DHRSX: variants seen among roughly 807,000 people sequenced by gnomAD.
DHRSX encodes polyprenol dehydrogenase.
DHRSX carries 31 observed loss-of-function variants against 34.0 expected under a neutral mutation model. The ratio of observed to expected loss-of-function variants is 0.91; its 90% CI spans 0.69 to 1.23. DHRSX has a LOEUF of 1.23. Ranked by LOEUF, DHRSX falls within the 50% of genes most tolerant of loss-of-function variation. DHRSX has a pLI of 0.00. For synonymous variants in DHRSX, 201 were observed against 183.8 expected (o/e 1.09, Z -0.76); for missense variants, 414 against 428.1 (o/e 0.97, Z 0.29).
At chrX:2,330,389 T>C (rs1027284353) in intron 3 of DHRSX, among the ~76,000 whole-genome samples, 1 of 150,618 alleles carries the variant, frequency 6.6e-6, no homozygotes, top group Admixed American at 6.6e-5. Context: ...GGCAGGGTGG[T>C]GCATGCCTGT....
intron 1 of DHRSX, among the ~76,000 whole-genome samples, chrX:2,446,927 C>CGCCATGTACGCACTGAA (rs1258689781): frequency 4.6e-5 from 7 of 151,740 alleles, no homozygotes; most frequent in South Asian, 2.1e-4. Context: ...GAGGGGCCGC[C>CGCCATGTACGCACTGAA]GCCATGTACG....
At chrX:2,267,273 G>C (rs187384023) in intron 4 of DHRSX, among the ~76,000 whole-genome samples, 117 of 152,334 alleles carry the variant, frequency 7.7e-4, no homozygotes, top group African/African-American at 2.6e-3. Context: ...CCTGAGGTCA[G>C]AAGTTCATGC....
At chrX:2,224,419 G>A (rs2015589447) in intron 6 of DHRSX, among the ~76,000 whole-genome samples, 1 of 152,118 alleles carries the variant, frequency 6.6e-6, no homozygotes, top group South Asian at 2.1e-4. Context: ...CTTGGGCTAT[G>A]CATATTCAAT....
intron 6 of DHRSX, 113 bp downstream of exon 6, chrX:2,242,910 A>G: frequency 9.5e-7 from 1 of 1,050,136 alleles, no homozygotes; most frequent in Non-Finnish European, 1.4e-6. Flanking sequence ...AGCCGTCCTG[A>G]ATTCTTTCTT....
At chrX:2,318,171 C>CT (rs1437069174) in intron 3 of DHRSX, among the ~76,000 whole-genome samples, 1 of 141,058 alleles carries the variant, frequency 7.1e-6, no homozygotes, top group African/African-American at 2.6e-5. Context: ...ATGGTGAAAC[C>CT]TCGTGTCTAC....
At chrX:2,234,269 G>A (rs1474106158) in intron 6 of DHRSX, among the ~76,000 whole-genome samples, 4 of 149,356 alleles carry the variant, frequency 2.7e-5, no homozygotes, top group Non-Finnish European at 5.9e-5. Context: ...CCTGATCCAC[G>A]CACACAGCTG....
chrX:2,356,329 C>T (rs1253368649), intron 3 of DHRSX, among the ~76,000 whole-genome samples: 1 of 151,982 alleles, frequency 6.6e-6, no homozygotes, highest in Admixed American at 6.6e-5. Context: ...GAGCCGTGAT[C>T]GTGCCACTGC....
At chrX:2,359,161 A>G (rs1961582209) in intron 3 of DHRSX, among the ~76,000 whole-genome samples, 2 of 152,200 alleles carry the variant, frequency 1.3e-5, no homozygotes, top group Non-Finnish European at 2.9e-5. Flanking sequence ...GGGAGTGTAA[A>G]TTAGTTCCAA....
intron 4 of DHRSX, among the ~76,000 whole-genome samples, chrX:2,268,558 T>C (rs2041506091): frequency 6.6e-6 from 1 of 152,256 alleles, no homozygotes. Flanking sequence ...CATGTACATA[T>C]GTGTTCACGT....
chrX:2,239,677 G>A (rs919338049), intron 6 of DHRSX, among the ~76,000 whole-genome samples: 6 of 152,116 alleles, frequency 3.9e-5, no homozygotes, highest in African/African-American at 7.2e-5. Flanking sequence ...GCTGAGGCAG[G>A]AGAACGGCAT....
intron 1 of DHRSX, among the ~76,000 whole-genome samples, chrX:2,448,619 A>T (rs1255250686): frequency 6.6e-6 from 1 of 152,202 alleles, no homozygotes; most frequent in Non-Finnish European, 1.5e-5. Flanking sequence ...GATTGTTAAT[A>T]TAGTATCTAG....
intron 3 of DHRSX, among the ~76,000 whole-genome samples, chrX:2,341,922 A>AGC (rs2042645684): frequency 6.6e-6 from 1 of 152,058 alleles, no homozygotes; most frequent in African/African-American, 2.4e-5. Flanking sequence ...CTCCTGCCTT[A>AGC]GCCTCCCAAG....
chrX:2,468,466 TACAGGATGAAAAGTACACAG>T (rs2044531648), intron 1 of DHRSX, among the ~76,000 whole-genome samples: 1 of 131,584 alleles, frequency 7.6e-6, no homozygotes, highest in Non-Finnish European at 1.7e-5. Context: ...AAAAGCAGTT[TACAGGATGAAAAGTACACAG>T]ACACGGACAC....
intron 1 of DHRSX, among the ~76,000 whole-genome samples, chrX:2,447,072 A>G (rs1315382911): frequency 6.6e-6 from 1 of 151,794 alleles, no homozygotes; most frequent in Non-Finnish European, 1.5e-5. Flanking sequence ...CATGTGGCTA[A>G]GGGACCACCG....
chrX:2,326,954 G>A (rs991040177), intron 3 of DHRSX, among the ~76,000 whole-genome samples: 1 of 152,056 alleles, frequency 6.6e-6, no homozygotes, highest in Admixed American at 6.6e-5. Flanking sequence ...TGGGATGACA[G>A]GTGCCTGCCA....
chrX:2,257,862 G>A (rs1280640525), intron 5 of DHRSX, among the ~76,000 whole-genome samples: 3 of 151,888 alleles, frequency 2.0e-5, no homozygotes, highest in Non-Finnish European at 2.9e-5. Context: ...CCTGACCTCA[G>A]GTGATCCACC....
intron 3 of DHRSX, among the ~76,000 whole-genome samples, chrX:2,338,729 G>GAT (rs1320469799): frequency 6.6e-6 from 1 of 152,068 alleles, no homozygotes; most frequent in Non-Finnish European, 1.5e-5. Context: ...AGCAGAGACA[G>GAT]ATGCTGGCCC....
At chrX:2,490,791 AAC>A in intron 1 of DHRSX, 1 of 1,554,272 alleles carries the variant, frequency 6.4e-7, no homozygotes, top group Admixed American at 1.9e-5. Context: ...GGCCAAGACA[AAC>A]ACAGCATGAG....
At chrX:2,412,585 A>G (rs184573846) in intron 2 of DHRSX, among the ~76,000 whole-genome samples, 149 of 151,902 alleles carry the variant, frequency 9.8e-4, no homozygotes, top group Non-Finnish European at 1.7e-3. Context: ...ACTCCTCTGT[A>G]TAGATCCAAA....
Sources: gnomAD v4.1 joint callset for allele counts (sites outside exome capture counted in the v4.1 genomes callset) on GRCh38, gnomAD v4.1.1 for gene constraint, MANE v1.5 for transcripts, NCBI Gene and HGNC (gene_info 2026-07-23, HGNC 2026-07-21) for gene names.